The following PDE11A variants were observed in gnomAD, a reference collection of about 807,000 sequenced individuals.
The protein encoded by PDE11A is dual 3',5'-cyclic-AMP and -GMP phosphodiesterase 11A.
Under a neutral mutation model 100.5 loss-of-function variants are expected in PDE11A, and 100 were observed. That is an observed-to-expected ratio of 1.00 (90% CI 0.85 to 1.18). The LOEUF is 1.18. PDE11A is among the 50% of genes most tolerant of loss of function. The pLI is 0.00. For missense variants in PDE11A, 1,141 were observed against 1,152.6 expected, an observed-to-expected ratio of 0.99 and a Z score of 0.15; for synonymous variants, 381 against 420.8, an observed-to-expected ratio of 0.91 and a Z score of 1.16.
intron 1 of PDE11A, among the ~76,000 whole-genome samples, chr2:178,042,946 T>C (rs534990589): frequency 5.5e-4 from 84 of 152,292 alleles, no homozygotes; most frequent in African/African-American, 1.9e-3. Flanking sequence ...GAGGGACAGC[T>C]GGCACCCTTG....
chr2:177,685,271 G>GGA (rs774244455), intron 15 of PDE11A, among the ~76,000 whole-genome samples: 3 of 152,166 alleles, frequency 2.0e-5, no homozygotes, highest in African/African-American at 7.2e-5. Flanking sequence ...GTTGCCATTT[G>GGA]GAGAGAGAGA....
chr2:177,772,114 T>C (rs74650322), intron 9 of PDE11A, among the ~76,000 whole-genome samples: 9,395 of 152,234 alleles, frequency 0.062, 438 homozygotes, highest in Non-Finnish European at 0.093. Flanking sequence ...TCTTCCATTG[T>C]AGACTTTTTT....
chr2:177,783,865 A>G (rs2082491549), intron 9 of PDE11A, among the ~76,000 whole-genome samples: 1 of 152,206 alleles, frequency 6.6e-6, no homozygotes, highest in African/African-American at 2.4e-5. Context: ...TTTCATTTAA[A>G]AAATTATTTG....
Position 178,072,409 on chromosome 2 carries a change from T to G in PDE11A, c.29A>C (p.Glu10Ala). 6.2e-7 allele frequency: 1 copy of G among 1,613,524 alleles called. No homozygotes were observed. Among genetic ancestry groups the G allele is most frequent in the East Asian group, 2.2e-5 (1 of 44,876 alleles). MAASRLDFG[E>A]VETFLDRHPE... ...GTGCCTGTCCAGGAAAGTTTCCACC[T>G]CCCCAAAGTCCAGGCGGGAGGCTGC... is the stretch of plus-strand genomic sequence containing the variant. The change falls in exon 1 of 20, where the codon GAG becomes GCG. Residue 10 changes from glutamate (E) to alanine (A), a missense_variant. By Grantham distance (107) the Glu-to-Ala change is moderately radical. Transcript: ENST00000286063.
intron 1 of PDE11A, among the ~76,000 whole-genome samples, chr2:178,030,933 C>A (rs777012588): frequency 4.0e-5 from 6 of 151,884 alleles, no homozygotes; most frequent in Middle Eastern, 3.2e-3. Context: ...ACCCTAAAAA[C>A]CAAAATTTTT....
chr2:177,664,160 A>G (rs903065974), intron 18 of PDE11A, among the ~76,000 whole-genome samples: 2 of 152,194 alleles, frequency 1.3e-5, no homozygotes, highest in African/African-American at 4.8e-5. Flanking sequence ...AAGCAAATTT[A>G]CTTGAACTTT....
At chr2:178,082,672 C>T (rs1396227717) in intron 2 of PDE11A, among the ~76,000 whole-genome samples, 2 of 152,196 alleles carry the variant, frequency 1.3e-5, no homozygotes, top group African/African-American at 2.4e-5. Flanking sequence ...TATGTCCCTT[C>T]GTGGGGCCCA....
intron 2 of PDE11A, among the ~76,000 whole-genome samples, chr2:177,955,008 C>G (rs2085544811): frequency 6.6e-6 from 1 of 152,092 alleles, no homozygotes; most frequent in South Asian, 2.1e-4. Flanking sequence ...CACATCAGGA[C>G]CAGTGGAGCA....
intron 19 of PDE11A, among the ~76,000 whole-genome samples, chr2:177,638,460 C>T (rs1390146077): frequency 6.6e-6 from 1 of 151,884 alleles, no homozygotes; most frequent in Non-Finnish European, 1.5e-5. Context: ...TCTACCAAGT[C>T]TATGATCTAT....
intron 9 of PDE11A, among the ~76,000 whole-genome samples, chr2:177,776,907 C>T (rs2082385579): frequency 1.3e-5 from 2 of 152,092 alleles, no homozygotes; most frequent in South Asian, 4.1e-4. Flanking sequence ...TGGGAGGTAA[C>T]TGAAGCATGG....
At chr2:177,980,087 A>G (rs544454222) in intron 2 of PDE11A, among the ~76,000 whole-genome samples, 2 of 150,276 alleles carry the variant, frequency 1.3e-5, no homozygotes, top group East Asian at 3.9e-4. Flanking sequence ...TGCCATGACT[A>G]TGGGTCACAG....
chr2:178,083,500 A>G (rs1206399788), intron 2 of PDE11A, among the ~76,000 whole-genome samples: 1 of 152,218 alleles, frequency 6.6e-6, no homozygotes, highest in Non-Finnish European at 1.5e-5. Flanking sequence ...TACTGCTCAG[A>G]AAAATGACAC....
At chr2:177,666,974 G>T (rs1185546459) in intron 18 of PDE11A, among the ~76,000 whole-genome samples, 1 of 149,920 alleles carries the variant, frequency 6.7e-6, no homozygotes, top group Non-Finnish European at 1.5e-5. Flanking sequence ...CTGGAGTGCA[G>T]TGGCACAACC....
intron 2 of PDE11A, among the ~76,000 whole-genome samples, chr2:177,915,659 C>T (rs2084941948): frequency 6.6e-6 from 1 of 152,222 alleles, no homozygotes; most frequent in South Asian, 2.1e-4. Flanking sequence ...TATAAACATT[C>T]ATGTGCCAGT....
chr2:178,014,216 A>G lies in PDE11A; in HGVS notation c.1071+86T>C, dbSNP rs998116906. 3 of 1,026,306 alleles carry G rather than the reference A, an allele frequency of 2.9e-6. No individual in the cohort carries two copies. The African/African-American group carries it at 4.7e-5, about 16-fold the overall frequency. The allele number at this position is 1,026,306 out of a possible 1,614,324, so 63.6% of individuals were successfully genotyped here. ...CCATGAATGGGCTAATCCAACAGCT[A>G]TTCACATAATTCCTGTCTTTTAAAG... On this transcript the variant is annotated intron_variant, in intron 2 of 19. Coordinates refer to ENST00000286063, the MANE Select transcript of PDE11A (RefSeq NM_016953.4).
chr2:178,031,081 A>G (rs1039621135), intron 1 of PDE11A, among the ~76,000 whole-genome samples: 2 of 152,204 alleles, frequency 1.3e-5, no homozygotes, highest in Non-Finnish European at 2.9e-5. Flanking sequence ...AAAAAAATTC[A>G]TATCTTTATA....
At chr2:177,759,640 C>A (rs2082142576) in intron 10 of PDE11A, among the ~76,000 whole-genome samples, 1 of 152,174 alleles carries the variant, frequency 6.6e-6, no homozygotes, top group Non-Finnish European at 1.5e-5. Context: ...GCCAATCAGA[C>A]TGTAAGGAAG....
At chr2:178,036,927 A>C (rs893359583) in intron 1 of PDE11A, among the ~76,000 whole-genome samples, 6 of 152,202 alleles carry the variant, frequency 3.9e-5, no homozygotes, top group African/African-American at 1.4e-4. Flanking sequence ...CCCTAGAAGA[A>C]AACCCAGGCA....
chr2:177,837,129 T>C (rs1316920343), intron 6 of PDE11A, among the ~76,000 whole-genome samples: 3 of 152,296 alleles, frequency 2.0e-5, no homozygotes. Flanking sequence ...AAAGGAATGG[T>C]AAGGATCACT....
Sources: allele counts gnomAD v4.1 joint callset (sites outside exome capture counted in the v4.1 genomes callset), GRCh38; gene constraint gnomAD v4.1.1; transcripts MANE v1.5; gene names NCBI Gene and HGNC (gene_info 2026-07-23, HGNC 2026-07-21).